Variants in RIC8B observed in about 807,000 individuals in gnomAD.
RIC8B encodes chaperone Ric-8B.
RIC8B carries 16 observed loss-of-function variants against 57.5 expected under a neutral mutation model. The ratio of observed to expected loss-of-function variants is 0.28; its 90% CI spans 0.19 to 0.42. The LOEUF is 0.42. RIC8B is among the 10% of genes least tolerant of loss of function. The pLI is 1.00. For synonymous variants in RIC8B, 216 were observed against 250.8 expected, an observed-to-expected ratio of 0.86 and a Z score of 1.31; for missense variants, 481 against 677.0, an observed-to-expected ratio of 0.71 and a Z score of 3.21.
intron 8 of RIC8B, chr12:106,868,233 A>G: frequency 2.2e-6 from 1 of 452,962 alleles, no homozygotes. Flanking sequence ...TCCCTGAAGC[A>G]TGTGATCATG....
intron 1 of RIC8B, among the ~76,000 whole-genome samples, chr12:106,780,081 CTG>C (rs1209192682): frequency 6.6e-6 from 1 of 152,080 alleles, no homozygotes; most frequent in African/African-American, 2.4e-5. Flanking sequence ...CAACAACAAA[CTG>C]TGACTAAGGG....
chr12:106,849,262 A>T (rs1247259606), intron 6 of RIC8B, among the ~76,000 whole-genome samples: 2 of 151,388 alleles, frequency 1.3e-5, no homozygotes, highest in East Asian at 1.9e-4. Flanking sequence ...CACAACAATT[A>T]AAAAAATTTT....
rs201851635 is a variant in RIC8B, at chr12:106,868,288, T to C, written c.1452-2535T>C. 123 of 456,764 alleles carry C rather than the reference T, an allele frequency of 2.7e-4. 1 individual carries two copies. The highest frequency in any genetic ancestry group is 1.5e-3 in the South Asian group (100 of 64,554). The allele number at this position is 456,764 out of a possible 1,614,324, so 28.3% of individuals were successfully genotyped here. A position where few individuals can be genotyped will look rare whatever the true frequency, so the allele number is the denominator to read the frequency against. On this transcript the variant is annotated intron_variant, in intron 8 of 9. Transcript: ENST00000392837. ...CCTAAAAGTGCCTACAGGCCTGATT[T>C]TTCAAATTACAGCTCCATTGAATTT...
chr12:106,848,891 A>G (rs1269597827), intron 6 of RIC8B, among the ~76,000 whole-genome samples: 1 of 152,136 alleles, frequency 6.6e-6, no homozygotes, highest in Non-Finnish European at 1.5e-5. Flanking sequence ...AAATTTCAAT[A>G]ATGTAAAATT....
intron 2 of RIC8B, among the ~76,000 whole-genome samples, chr12:106,799,760 A>G (rs1351894511): frequency 1.3e-5 from 2 of 152,202 alleles, no homozygotes; most frequent in African/African-American, 4.8e-5. Flanking sequence ...TTTTTCTGCT[A>G]TATTATTAAT....
At chr12:106,846,110 A>C (rs1949176215) in intron 6 of RIC8B, among the ~76,000 whole-genome samples, 1 of 152,130 alleles carries the variant, frequency 6.6e-6, no homozygotes, top group South Asian at 2.1e-4. Context: ...ATATATGCTG[A>C]TGACTCTCAA....
At chr12:106,783,847 C>T (rs1258332874) in intron 1 of RIC8B, 150 bp from the exon 2 acceptor site, 8 of 645,650 alleles carry the variant, frequency 1.2e-5, no homozygotes, top group South Asian at 2.0e-5. Context: ...TATTTGTTTA[C>T]ATGCCTGTCT....
chr12:106,826,549 T>G (rs1045875687), intron 4 of RIC8B, among the ~76,000 whole-genome samples: 1 of 151,282 alleles, frequency 6.6e-6, no homozygotes, highest in African/African-American at 2.4e-5. Context: ...AGGACAGGAG[T>G]TTGAGACCAG....
chr12:106,795,239 T>C (rs1212540174), intron 2 of RIC8B, among the ~76,000 whole-genome samples: 2 of 152,136 alleles, frequency 1.3e-5, no homozygotes, highest in African/African-American at 2.4e-5. Context: ...AATAATACTA[T>C]AGAAAAAGGG....
intron 3 of RIC8B, chr12:106,823,433 T>C (rs1181474460): frequency 8.8e-6 from 4 of 456,182 alleles, no homozygotes; most frequent in Non-Finnish European, 1.3e-5. Context: ...GTTGATGTTA[T>C]CAAAACTGGA....
chr12:106,831,270 G>A (rs1469824889), intron 4 of RIC8B, among the ~76,000 whole-genome samples: 1 of 152,150 alleles, frequency 6.6e-6, no homozygotes, highest in African/African-American at 2.4e-5. Context: ...TGCACACAGA[G>A]GTGTTTTTCA....
chr12:106,786,959 G>T (rs2044058021), intron 2 of RIC8B, among the ~76,000 whole-genome samples: 1 of 152,132 alleles, frequency 6.6e-6, no homozygotes, highest in South Asian at 2.1e-4. Context: ...CTTTGGTAGT[G>T]CTTTTACTGG....
chr12:106,819,830 T>C (rs1031259482), intron 3 of RIC8B, among the ~76,000 whole-genome samples: 3 of 150,198 alleles, frequency 2.0e-5, no homozygotes, highest in Admixed American at 6.7e-5. Context: ...ATTATATACT[T>C]AGAGTATTCC....
intron 3 of RIC8B, among the ~76,000 whole-genome samples, chr12:106,821,097 A>G (rs2045820333): frequency 6.6e-6 from 1 of 152,234 alleles, no homozygotes; most frequent in African/African-American, 2.4e-5. Context: ...AATGCTATGG[A>G]AAAAGCAATT....
At chr12:106,807,962 G>C (rs923074384) in intron 2 of RIC8B, among the ~76,000 whole-genome samples, 4 of 151,938 alleles carry the variant, frequency 2.6e-5, no homozygotes, top group African/African-American at 9.7e-5. Context: ...GCACGTGTCT[G>C]TAATCCCAGC....
At chr12:106,848,083 G>T (rs1566130097) in intron 6 of RIC8B, among the ~76,000 whole-genome samples, 1 of 152,134 alleles carries the variant, frequency 6.6e-6, no homozygotes, top group Non-Finnish European at 1.5e-5. Flanking sequence ...AGGGCTAAAG[G>T]TTAGTGATAT....
intron 1 of RIC8B, among the ~76,000 whole-genome samples, chr12:106,782,397 C>T (rs1239072591): frequency 6.6e-6 from 1 of 152,188 alleles, no homozygotes; most frequent in Non-Finnish European, 1.5e-5. Flanking sequence ...TATACTGCCA[C>T]CAGGAGTATC....
At chr12:106,833,898 G>A (rs911746171) in intron 4 of RIC8B, among the ~76,000 whole-genome samples, 14 of 152,104 alleles carry the variant, frequency 9.2e-5, no homozygotes, top group Non-Finnish European at 1.6e-4. Context: ...GTGATCACTC[G>A]AGATCTAGCT....
At chr12:106,882,911 TC>T (rs1353898653) in intron 9 of RIC8B, among the ~76,000 whole-genome samples, 1 of 152,152 alleles carries the variant, frequency 6.6e-6, no homozygotes, top group African/African-American at 2.4e-5. Context: ...GGCCCGTTGT[TC>T]CATAATGAAA....
Sources: allele counts gnomAD v4.1 joint callset (sites outside exome capture counted in the v4.1 genomes callset), GRCh38; gene constraint gnomAD v4.1.1; transcripts MANE v1.5; gene names NCBI Gene and HGNC (gene_info 2026-07-23, HGNC 2026-07-21).